Variants in VAV3 observed in about 807,000 individuals in gnomAD.
VAV3 encodes guanine nucleotide exchange factor VAV3.
In VAV3, 94 loss-of-function variants were observed where a neutral mutation model predicts 131.2. The ratio of observed to expected loss-of-function variants is 0.72; its 90% CI spans 0.61 to 0.85. VAV3 has a LOEUF of 0.85. Among genes scored for constraint, VAV3 ranks in the 40% least tolerant of loss-of-function variants. The pLI, the probability that VAV3 is intolerant of heterozygous loss-of-function variation, is 0.00. For synonymous variants in VAV3, 349 were observed against 342.0 expected (o/e 1.02, Z -0.22); for missense variants, 939 against 1,002.7 (o/e 0.94, Z 0.86).
At chr1:107,865,411 T>C (rs79579575) in intron 2 of VAV3, among the ~76,000 whole-genome samples, 11,688 of 152,096 alleles carry the variant, frequency 0.077, 592 homozygotes, top group South Asian at 0.17. Context: ...GTGTAATGAG[T>C]GTATGTGATC....
intron 8 of VAV3, 79 bp from the exon 9 acceptor site, chr1:107,765,254 T>A (rs1393713634): frequency 1.8e-6 from 2 of 1,133,262 alleles, no homozygotes; most frequent in Non-Finnish European, 2.7e-6. Flanking sequence ...AGAATCTTCA[T>A]CTCTTTAAAA....
chr1:107,630,234 G>A (rs1318129152), intron 20 of VAV3, among the ~76,000 whole-genome samples: 2 of 152,056 alleles, frequency 1.3e-5, no homozygotes, highest in African/African-American at 2.4e-5. Flanking sequence ...GGTTAGAAAC[G>A]GGTTCTCTAG....
At chr1:107,947,366 A>G (rs753934943) in intron 1 of VAV3, among the ~76,000 whole-genome samples, 1 of 148,534 alleles carries the variant, frequency 6.7e-6, no homozygotes, top group Non-Finnish European at 1.5e-5. Context: ...AAAGTTTGCC[A>G]TAGACAAGCG....
intron 2 of VAV3, among the ~76,000 whole-genome samples, chr1:107,830,249 G>A (rs1668195052): frequency 6.6e-6 from 1 of 151,362 alleles, no homozygotes; most frequent in Non-Finnish European, 1.5e-5. Context: ...ATCACCCAGG[G>A]TGGAGGGCAG....
chr1:107,632,245 T>C (rs1486784414), intron 20 of VAV3, among the ~76,000 whole-genome samples: 1 of 152,178 alleles, frequency 6.6e-6, no homozygotes, highest in Non-Finnish European at 1.5e-5. Flanking sequence ...TGGGGTTTTA[T>C]AAAATCTACT....
At chr1:107,633,233 AG>A (rs1025478125) in intron 20 of VAV3, among the ~76,000 whole-genome samples, 1 of 152,188 alleles carries the variant, frequency 6.6e-6, no homozygotes. Flanking sequence ...CTAAGGTTTA[AG>A]AAAAAAAAGA....
At chr1:107,708,960 A>C (rs1038288826) in intron 15 of VAV3, among the ~76,000 whole-genome samples, 5 of 151,538 alleles carry the variant, frequency 3.3e-5, no homozygotes, top group South Asian at 2.1e-4. Flanking sequence ...ATACCCCCCC[A>C]CACACCCTAT....
chr1:107,961,243 A>G (rs1191997979), intron 1 of VAV3, among the ~76,000 whole-genome samples: 3 of 152,226 alleles, frequency 2.0e-5, no homozygotes, highest in African/African-American at 4.8e-5. Context: ...TTTCAAACTA[A>G]GACTAAGGTA....
At chr1:107,704,136 T>C (rs1185297346) in intron 17 of VAV3, among the ~76,000 whole-genome samples, 1 of 152,232 alleles carries the variant, frequency 6.6e-6, no homozygotes, top group Admixed American at 6.5e-5. Context: ...GCCATTAGCA[T>C]TCCTGAGCTA....
chr1:107,962,571 A>G lies in VAV3; in HGVS notation c.204+2095T>C, dbSNP rs1390977619. The stretch of plus-strand genomic sequence containing the variant: ...ATTAAAGGATTTAATGACAACCTGC[A>G]TGATACAAACTCATCGGCCTAGCAT... On this transcript the variant is annotated intron_variant, in intron 1 of 26. Coordinates refer to ENST00000370056, the MANE Select transcript of VAV3 (RefSeq NM_006113.5). Among the ~76,000 whole-genome samples the G allele has an allele frequency of 2.0e-5, 3 of 152,358 alleles. No homozygotes were observed. The East Asian group carries it at 5.8e-4, about 29-fold the overall frequency.
chr1:107,845,406 C>T (rs1668917791), intron 2 of VAV3, among the ~76,000 whole-genome samples: 1 of 152,108 alleles, frequency 6.6e-6, no homozygotes, highest in South Asian at 2.1e-4. Flanking sequence ...CAAAGGATCA[C>T]AACTCCTTGC....
At chr1:107,637,744 A>G (rs372026126) in intron 20 of VAV3, among the ~76,000 whole-genome samples, 43 of 152,350 alleles carry the variant, frequency 2.8e-4, no homozygotes, top group African/African-American at 1.0e-3. Flanking sequence ...TGCTAATTCT[A>G]TAAATCTCTT....
intron 1 of VAV3, among the ~76,000 whole-genome samples, chr1:107,948,623 C>A (rs1325804111): frequency 6.6e-6 from 1 of 152,176 alleles, no homozygotes; most frequent in East Asian, 1.9e-4. Flanking sequence ...GTGGGCAGAT[C>A]ACCTGAGGTC....
chr1:107,697,947 G>A (rs1659848256), intron 17 of VAV3, among the ~76,000 whole-genome samples: 1 of 152,208 alleles, frequency 6.6e-6, no homozygotes, highest in African/African-American at 2.4e-5. Context: ...TGACACATCT[G>A]ACATATCATC....
intron 25 of VAV3, among the ~76,000 whole-genome samples, chr1:107,591,766 A>G (rs1416321605): frequency 6.6e-6 from 1 of 152,146 alleles, no homozygotes; most frequent in Non-Finnish European, 1.5e-5. Flanking sequence ...TTGCTTTATC[A>G]ATCTATGTAT....
chr1:107,787,099 C>T lies in VAV3; in HGVS notation c.322-7607G>A, dbSNP rs562065715. On this transcript the variant is annotated intron_variant, in intron 2 of 26. Coordinates refer to ENST00000370056, the MANE Select transcript of VAV3 (RefSeq NM_006113.5). ...GACTTTCCAGATTCTCACTAAATCT[C>T]TTCCTTTGCCTATCAGAATACCATG... is the stretch of plus-strand genomic sequence containing the variant. Among the ~76,000 whole-genome samples, 5 of 152,292 alleles carry T rather than the reference C, an allele frequency of 3.3e-5. No homozygotes were observed. The South Asian group carries it at 1.0e-3, about 32-fold the overall frequency.
At chr1:107,936,659 T>C (rs982578046) in intron 1 of VAV3, among the ~76,000 whole-genome samples, 3 of 152,178 alleles carry the variant, frequency 2.0e-5, no homozygotes, top group Non-Finnish European at 4.4e-5. Context: ...CAAGCCTGAC[T>C]GTGGCATACT....
At chr1:107,920,552 C>T (rs1274426072) in intron 1 of VAV3, among the ~76,000 whole-genome samples, 1 of 152,168 alleles carries the variant, frequency 6.6e-6, no homozygotes, top group African/African-American at 2.4e-5. Context: ...TAATCTGTTT[C>T]CAAATCAGGA....
intron 15 of VAV3, among the ~76,000 whole-genome samples, chr1:107,748,038 A>C (rs2102051750): frequency 6.6e-6 from 1 of 152,294 alleles, no homozygotes; most frequent in Middle Eastern, 3.4e-3. Flanking sequence ...AAAATGTTAG[A>C]TAAAATAACC....
Sources: gnomAD v4.1 joint callset for allele counts (sites outside exome capture counted in the v4.1 genomes callset) on GRCh38, gnomAD v4.1.1 for gene constraint, MANE v1.5 for transcripts, NCBI Gene and HGNC (gene_info 2026-07-23, HGNC 2026-07-21) for gene names.